Variants in RNF130 observed in about 807,000 individuals in gnomAD.
RNF130 encodes the protein ring finger protein 130.
In RNF130, 21 loss-of-function variants were observed where a neutral mutation model predicts 44.6. That is an observed-to-expected ratio of 0.47 (90% CI 0.33 to 0.68). The LOEUF is 0.68. Among genes scored for constraint, RNF130 ranks in the 30% least tolerant of loss-of-function variants. The pLI, the probability that RNF130 is intolerant of heterozygous loss-of-function variation, is 0.02. For synonymous variants in RNF130, 214 were observed against 210.4 expected, an observed-to-expected ratio of 1.02 and a Z score of -0.15; for missense variants, 479 against 560.6, an observed-to-expected ratio of 0.85 and a Z score of 1.47.
At chr5:179,975,272 G>A (rs555905185) in intron 5 of RNF130, among the ~76,000 whole-genome samples, 1 of 152,368 alleles carries the variant, frequency 6.6e-6, no homozygotes, top group East Asian at 1.9e-4. Flanking sequence ...GCATCTGCTG[G>A]GGTGAGGCTT....
At chr5:179,991,361 C>T (rs1188148943) in intron 3 of RNF130, among the ~76,000 whole-genome samples, 1 of 152,170 alleles carries the variant, frequency 6.6e-6, no homozygotes, top group Non-Finnish European at 1.5e-5. Flanking sequence ...AATCTTTCTG[C>T]CTCTTGTATC....
chr5:180,042,383 C>A (rs1764440245), intron 1 of RNF130, among the ~76,000 whole-genome samples: 3 of 152,178 alleles, frequency 2.0e-5, no homozygotes. Context: ...CCATTACCTA[C>A]CCTTTTCCTT....
intron 5 of RNF130, among the ~76,000 whole-genome samples, chr5:179,973,496 G>A (rs1762634960): frequency 6.6e-6 from 1 of 152,230 alleles, no homozygotes. Flanking sequence ...TAAGGACTGG[G>A]CCAGGGGCGT....
chr5:179,981,095 G>A (rs144432062), intron 3 of RNF130, among the ~76,000 whole-genome samples: 129 of 152,294 alleles, frequency 8.5e-4, no homozygotes, highest in East Asian at 3.1e-3. Flanking sequence ...AGGGTTAGGA[G>A]GGGGTTCCGG....
chr5:180,027,379 C>A (rs1764015443), intron 2 of RNF130, among the ~76,000 whole-genome samples: 1 of 152,126 alleles, frequency 6.6e-6, no homozygotes, highest in South Asian at 2.1e-4. Flanking sequence ...TGTATAATGA[C>A]CTTCTCTGAG....
At chr5:180,058,286 T>C (rs1225081983) in intron 1 of RNF130, among the ~76,000 whole-genome samples, 2 of 152,136 alleles carry the variant, frequency 1.3e-5, no homozygotes, top group Non-Finnish European at 2.9e-5. Context: ...AGACTTACGG[T>C]TGTGTATTTT....
chr5:180,056,339 A>T (rs2113170502), intron 1 of RNF130, among the ~76,000 whole-genome samples: 1 of 152,220 alleles, frequency 6.6e-6, no homozygotes, highest in Non-Finnish European at 1.5e-5. Context: ...TGCAACAGAG[A>T]AAGTCTGTGT....
intron 7 of RNF130, among the ~76,000 whole-genome samples, chr5:179,922,853 G>A (rs1179373830): frequency 6.6e-6 from 1 of 151,914 alleles, no homozygotes; most frequent in Non-Finnish European, 1.5e-5. Context: ...AGGATCGCTT[G>A]AGTCCGGGAA....
At chr5:180,000,978 C>T (rs1192052552) in intron 3 of RNF130, among the ~76,000 whole-genome samples, 1 of 152,160 alleles carries the variant, frequency 6.6e-6, no homozygotes, top group Non-Finnish European at 1.5e-5. Context: ...GTCTGTGCAT[C>T]TGGTGGAACA....
At chr5:180,021,179 A>C (rs1229441064) in intron 2 of RNF130, among the ~76,000 whole-genome samples, 2 of 151,828 alleles carry the variant, frequency 1.3e-5, no homozygotes, top group African/African-American at 4.8e-5. Context: ...TGTTGGCCAA[A>C]ATGGTCTCAA....
intron 7 of RNF130, among the ~76,000 whole-genome samples, chr5:179,933,385 C>G (rs1761838392): frequency 8.5e-5 from 1 of 11,724 alleles, no homozygotes. Context: ...TAACAATGTT[C>G]TCATAACCCT....
Position 179,979,960 on chromosome 5 carries a change from C to T in RNF130, c.765+169G>A, listed in dbSNP as rs142789410. Among the ~76,000 whole-genome samples, 5 of 152,228 alleles carry T rather than the reference C, an allele frequency of 3.3e-5. No homozygotes were observed. The East Asian group carries it at 5.8e-4, about 18-fold the overall frequency. On this transcript the variant is annotated intron_variant, in intron 4 of 8. Transcript: ENST00000521389. ...AGCAGAAGAAACCTCTGTAGGAAAA[C>T]ACAGCTAGAGTTACTGTAAGAAGGT... is the stretch of plus-strand genomic sequence containing the variant.
chr5:180,070,576 A>C (rs946365761), intron 1 of RNF130, among the ~76,000 whole-genome samples: 2 of 152,210 alleles, frequency 1.3e-5, no homozygotes, highest in African/African-American at 2.4e-5. Context: ...ATCCCCTCTC[A>C]GCATTCTCAG....
chr5:180,050,462 T>C (rs1019663087), intron 1 of RNF130, among the ~76,000 whole-genome samples: 3 of 152,234 alleles, frequency 2.0e-5, no homozygotes, highest in African/African-American at 7.2e-5. Context: ...GTCTACCCAT[T>C]CAAACGTTAA....
Position 180,040,554 on chromosome 5 carries a change from G to C in RNF130, c.341C>G (p.Thr114Arg). ...WIALLQRGNC[T>R]FKEKISRAAF... is the part of the protein sequence containing the mutation. ...GGCCCGTGATATTTTCTCTTTAAAC[G>C]TGCAGTTTCCCCTCTGCAGCAAGGC... Residue 114 changes from threonine (T) to arginine (R), a missense_variant, in exon 2 of 9, where the codon ACG becomes AGG. Around this residue, in one of 3 missense-constraint regions of RNF130, gnomAD observed 180 missense variants for 275.1 expected, o/e 0.65. Transcript: ENST00000521389. The C allele has an allele frequency of 1.9e-6, 3 of 1,614,130 alleles. No homozygotes were observed. Among genetic ancestry groups the C allele is most frequent in the Non-Finnish European group, 2.5e-6 (3 of 1,180,014 alleles).
At chr5:179,961,467 C>T (rs1762327398) in intron 8 of RNF130, among the ~76,000 whole-genome samples, 1 of 152,098 alleles carries the variant, frequency 6.6e-6, no homozygotes, top group African/African-American at 2.4e-5. Context: ...TAAAATATTA[C>T]GGCCCACATA....
At chr5:180,006,930 T>C (rs1763474023) in intron 3 of RNF130, among the ~76,000 whole-genome samples, 1 of 152,202 alleles carries the variant, frequency 6.6e-6, no homozygotes, top group Non-Finnish European at 1.5e-5. Context: ...TTCTGACAGT[T>C]TTCCAGGAAG....
At chr5:180,004,740 T>C (rs1400470838) in intron 3 of RNF130, among the ~76,000 whole-genome samples, 3 of 152,270 alleles carry the variant, frequency 2.0e-5, no homozygotes, top group Non-Finnish European at 4.4e-5. Context: ...TAGGTCACTT[T>C]GATGAAATTC....
chr5:180,023,707 T>TA (rs1243761077), intron 2 of RNF130, among the ~76,000 whole-genome samples: 2 of 152,156 alleles, frequency 1.3e-5, no homozygotes, highest in African/African-American at 4.8e-5. Context: ...TCCATAATGA[T>TA]ATAAATAAAT....
Sources: allele counts gnomAD v4.1 joint callset (sites outside exome capture counted in the v4.1 genomes callset), GRCh38; gene constraint gnomAD v4.1.1; regional missense constraint gnomAD v4.1.1; transcripts MANE v1.5; gene names NCBI Gene and HGNC (gene_info 2026-07-23, HGNC 2026-07-21).